RASAL2: variants seen among roughly 807,000 people sequenced by gnomAD.
RASAL2 encodes the protein RAS protein activator like 2.
In RASAL2, 58 loss-of-function variants were observed where a neutral mutation model predicts 128.9. The observed-to-expected ratio is 0.45, with a 90% CI of 0.36 to 0.56. The LOEUF is 0.56. RASAL2 is among the 20% of genes least tolerant of loss of function. The pLI, the probability that RASAL2 is intolerant of heterozygous loss-of-function variation, is 0.00. For missense variants in RASAL2, 1,360 were observed against 1,601.6 expected (o/e 0.85, Z 2.57); for synonymous variants, 561 against 580.8 (o/e 0.97, Z 0.49).
chr1:178,426,105 T>G (rs987770237), intron 5 of RASAL2, among the ~76,000 whole-genome samples: 2 of 152,084 alleles, frequency 1.3e-5, no homozygotes, highest in East Asian at 1.9e-4. Flanking sequence ...TATCTGTAGG[T>G]TTTTTTGCCT....
intron 3 of RASAL2, among the ~76,000 whole-genome samples, chr1:178,368,307 T>G (rs913163725): frequency 1.3e-5 from 2 of 152,226 alleles, no homozygotes; most frequent in African/African-American, 2.4e-5. Flanking sequence ...CTCACGTGGT[T>G]GTTGTTTAAG....
At position 178,441,555 on chromosome 1, in the gene RASAL2, T is replaced by C; in HGVS notation, c.835T>C (p.Tyr279His). Residue 279 changes from tyrosine (Y) to histidine (H), a missense_variant, in exon 7 of 18, where the codon TAC becomes CAC. Tyr to His is a moderately conservative substitution (Grantham distance 83). This residue lies in a region of RASAL2 where 617 missense variants were observed against 714.2 expected (regional missense o/e 0.86). Coordinates refer to ENST00000367649, the MANE Select transcript of RASAL2 (RefSeq NM_170692.4). ...LGQDFCFEVT[Y>H]LSGSKCFSCN... ...TCTAATTTTTATGTTGAAGGTTACCTACTTAAGTGGAAGTAAATGCTTCAG... is the reference window on the plus strand; with the variant it reads ...TCTAATTTTTATGTTGAAGGTTACCCACTTAAGTGGAAGTAAATGCTTCAG... 3 of 1,611,652 alleles carry C rather than the reference T, an allele frequency of 1.9e-6. No individual in the cohort carries two copies. The highest frequency in any genetic ancestry group is 2.5e-6 in the Non-Finnish European group (3 of 1,178,394).
chr1:178,166,062 G>C (rs923893734), intron 1 of RASAL2, among the ~76,000 whole-genome samples: 1 of 152,080 alleles, frequency 6.6e-6, no homozygotes, highest in African/African-American at 2.4e-5. Flanking sequence ...TTCCCTGTAA[G>C]TGTTCCCTCA....
At chr1:178,287,173 CT>C (rs750848274) in intron 2 of RASAL2, among the ~76,000 whole-genome samples, 7 of 151,540 alleles carry the variant, frequency 4.6e-5, no homozygotes, top group Non-Finnish European at 8.8e-5. Context: ...TGAAGTGAAT[CT>C]TACTCTTTAT....
intron 1 of RASAL2, among the ~76,000 whole-genome samples, chr1:178,152,447 C>A (rs149082151): frequency 6.6e-6 from 1 of 152,248 alleles, no homozygotes; most frequent in African/African-American, 2.4e-5. Flanking sequence ...GTTGTGGAGA[C>A]CCCTGATTTA....
intron 1 of RASAL2, among the ~76,000 whole-genome samples, chr1:178,179,217 A>G (rs905737127): frequency 1.3e-5 from 2 of 152,210 alleles, no homozygotes; most frequent in African/African-American, 2.4e-5. Context: ...GGCTGATTTC[A>G]AGCTACCAGC....
At chr1:178,163,387 G>A (rs1661402628) in intron 1 of RASAL2, among the ~76,000 whole-genome samples, 2 of 152,190 alleles carry the variant, frequency 1.3e-5, no homozygotes, top group South Asian at 4.2e-4. Flanking sequence ...CTATTCCAAG[G>A]TCAAACAGAA....
At chr1:178,319,250 G>A (rs1374583576) in intron 3 of RASAL2, among the ~76,000 whole-genome samples, 5 of 151,778 alleles carry the variant, frequency 3.3e-5, no homozygotes, top group African/African-American at 1.2e-4. Flanking sequence ...TTCAACTTTG[G>A]TGAATCTGAC....
At position 178,476,472 on chromosome 1, in the gene RASAL2, C is replaced by G. The variant is rs531190149; in HGVS notation, c.*3233C>G. The G allele has an allele frequency of 2.0e-5, 3 of 152,162 alleles. No homozygotes were observed. The highest frequency in any genetic ancestry group is 4.4e-5 in the Non-Finnish European group (3 of 68,036). The allele number at this position is 152,162 out of a possible 1,614,324, so 9.4% of individuals were successfully genotyped here. On this transcript the variant is annotated 3_prime_UTR_variant, in exon 18 of 18. Coordinates refer to ENST00000367649, the MANE Select transcript of RASAL2 (RefSeq NM_170692.4). The stretch of plus-strand genomic sequence containing the variant: ...GCACTTACCATGTTCCAAGCACTAT[C>G]ACCAAGGTACTGTTGGGGTTTATGG...
chr1:178,380,898 A>T (rs1420335750), intron 3 of RASAL2, among the ~76,000 whole-genome samples: 1 of 152,234 alleles, frequency 6.6e-6, no homozygotes, highest in African/African-American at 2.4e-5. Context: ...ACTAAAACGC[A>T]TATAATCAAA....
intron 3 of RASAL2, among the ~76,000 whole-genome samples, chr1:178,315,904 T>C (rs1197997900): frequency 1.3e-5 from 1 of 77,898 alleles, no homozygotes; most frequent in African/African-American, 6.6e-5. Flanking sequence ...GGTTTTCTTC[T>C]AGGGTTTTTA....
intron 3 of RASAL2, among the ~76,000 whole-genome samples, chr1:178,319,367 T>C (rs548444109): frequency 3.3e-5 from 5 of 152,078 alleles, no homozygotes; most frequent in South Asian, 4.1e-4. Context: ...GAAGTTCTCC[T>C]GGATAATATC....
intron 1 of RASAL2, among the ~76,000 whole-genome samples, chr1:178,141,193 C>CTTTTTTTTTTT (rs71297900): frequency 0.015 from 1,102 of 73,722 alleles, 15 homozygotes; most frequent in East Asian, 0.021. Context: ...CTTTTCTTTT[C>CTTTTTTTTTTT]TTTTTTTTTT....
chr1:178,453,712 A>G (rs1677559165), intron 11 of RASAL2, among the ~76,000 whole-genome samples: 1 of 152,090 alleles, frequency 6.6e-6, no homozygotes, highest in Non-Finnish European at 1.5e-5. Flanking sequence ...AATTTAAGAA[A>G]TGGCTGGGAA....
intron 5 of RASAL2, among the ~76,000 whole-genome samples, chr1:178,426,766 A>G (rs958751627): frequency 3.3e-5 from 5 of 152,112 alleles, no homozygotes; most frequent in African/African-American, 1.2e-4. Flanking sequence ...TTTTCAACCC[A>G]ATATTCCATA....
chr1:178,420,639 TA>T lies in RASAL2; in HGVS notation c.674+23del, dbSNP rs1357261612. 1 of 1,547,670 alleles carries T rather than the reference TA, an allele frequency of 6.5e-7. No individual in the cohort carries two copies. ...ATGACAGGTAGGAAGTTAACTTTCTTAAAACAAAAAAAGCAGTTTGAGAGTG... is the reference window on the plus strand; with the variant it reads ...ATGACAGGTAGGAAGTTAACTTTCTTAAACAAAAAAAGCAGTTTGAGAGTG... On this transcript the variant is annotated intron_variant, in intron 5 of 17. Transcript: ENST00000367649.
chr1:178,367,877 A>C (rs1195983492), intron 3 of RASAL2, among the ~76,000 whole-genome samples: 1 of 152,238 alleles, frequency 6.6e-6, no homozygotes, highest in Non-Finnish European at 1.5e-5. Flanking sequence ...AGATATCCGG[A>C]CATACATTAA....
intron 1 of RASAL2, among the ~76,000 whole-genome samples, chr1:178,200,457 G>A (rs1662825195): frequency 6.6e-6 from 1 of 152,188 alleles, no homozygotes; most frequent in African/African-American, 2.4e-5. Flanking sequence ...AAAACATAAT[G>A]AAGTTGGTTA....
At chr1:178,305,414 G>A (rs948894864) in intron 3 of RASAL2, among the ~76,000 whole-genome samples, 2 of 152,158 alleles carry the variant, frequency 1.3e-5, no homozygotes, top group African/African-American at 4.8e-5. Context: ...CAGAGGTATA[G>A]TAACCAAAAT....
Sources: gnomAD v4.1 joint callset for allele counts (sites outside exome capture counted in the v4.1 genomes callset) on GRCh38, gnomAD v4.1.1 for gene constraint, gnomAD v4.1.1 regional missense constraint, MANE v1.5 for transcripts, NCBI Gene and HGNC (gene_info 2026-07-23, HGNC 2026-07-21) for gene names.